The following WWP1 variants were observed in gnomAD, a reference collection of about 807,000 sequenced individuals.
WWP1 encodes WW domain containing E3 ubiquitin protein ligase 1.
WWP1 carries 49 observed loss-of-function variants against 130.6 expected under a neutral mutation model. That is an observed-to-expected ratio of 0.38 (90% CI 0.30 to 0.48). The LOEUF (loss-of-function observed/expected upper bound fraction) is 0.48. WWP1 is among the 20% of genes least tolerant of loss of function. WWP1 has a pLI of 0.99. For missense variants in WWP1, 809 were observed against 1,100.6 expected (o/e 0.74, Z 3.75); for synonymous variants, 332 against 367.8 (o/e 0.90, Z 1.11).
chr8:86,397,638 A>G (rs910014474), intron 5 of WWP1, among the ~76,000 whole-genome samples: 1 of 152,190 alleles, frequency 6.6e-6, no homozygotes, highest in African/African-American at 2.4e-5. Context: ...AGTCTAATAT[A>G]TAGAAGTCTA....
intron 9 of WWP1, among the ~76,000 whole-genome samples, chr8:86,418,557 G>A (rs1483495634): frequency 1.3e-5 from 2 of 152,154 alleles, no homozygotes; most frequent in East Asian, 3.8e-4. Context: ...AGTGGGAAAA[G>A]CTCAGAATAT....
intron 1 of WWP1, among the ~76,000 whole-genome samples, chr8:86,354,055 A>T (rs1432996192): frequency 3.9e-5 from 6 of 152,250 alleles, no homozygotes; most frequent in African/African-American, 1.4e-4. Flanking sequence ...TAAATAAAGT[A>T]AGACAAACCT....
intron 7 of WWP1, among the ~76,000 whole-genome samples, chr8:86,399,520 C>T (rs769141519): frequency 6.6e-6 from 1 of 152,136 alleles, no homozygotes; most frequent in African/African-American, 2.4e-5. Flanking sequence ...CAAAGTGTGA[C>T]TTTTATTAAT....
rs1303168927 is a variant in WWP1, at chr8:86,358,533, G to C, written c.-114-10406G>C. On this transcript the variant is annotated intron_variant, in intron 1 of 24. Coordinates refer to ENST00000517970, the MANE Select transcript of WWP1 (RefSeq NM_007013.4). ...GTCTAGCTCTGTCTCCCAGGCTAGA[G>C]TGCAGTGGTGCCGTCACAACTCACC... 1.1e-4 allele frequency among the ~76,000 whole-genome samples: 17 copies of C among 149,950 alleles called. No homozygotes were observed. The East Asian group carries it at 3.1e-3, about 28-fold the overall frequency.
At chr8:86,374,002 A>C in intron 2 of WWP1, 28 bp from the exon 3 acceptor site, 2 of 1,524,744 alleles carry the variant, frequency 1.3e-6, no homozygotes, top group East Asian at 2.3e-5. Context: ...TATCTAACAC[A>C]TGAATAAATT....
intron 2 of WWP1, among the ~76,000 whole-genome samples, chr8:86,371,458 G>T (rs543247682): frequency 2.6e-5 from 4 of 152,130 alleles, no homozygotes; most frequent in African/African-American, 4.8e-5. Flanking sequence ...GCCTACCAGC[G>T]GTGTATAAGA....
At chr8:86,352,039 C>CTTTTT (rs770047019) in intron 1 of WWP1, among the ~76,000 whole-genome samples, 2 of 125,196 alleles carry the variant, frequency 1.6e-5, no homozygotes, top group Non-Finnish European at 3.3e-5. Context: ...TAAAATATTC[C>CTTTTT]TTTTTTTTTT....
At chr8:86,427,957 T>C in intron 11 of WWP1, 140 bp downstream of exon 11, 3 of 658,878 alleles carry the variant, frequency 4.6e-6, no homozygotes, top group Non-Finnish European at 6.8e-6. Context: ...TTACAAGATA[T>C]TTTTTAGTTA....
intron 5 of WWP1, among the ~76,000 whole-genome samples, chr8:86,389,570 C>G (rs1012157469): frequency 1.7e-4 from 26 of 152,330 alleles, no homozygotes; most frequent in Admixed American, 5.2e-4. Context: ...ACACAGACAC[C>G]GTAACAATCT....
intron 21 of WWP1, among the ~76,000 whole-genome samples, chr8:86,455,448 T>C (rs1411041205): frequency 6.6e-6 from 1 of 151,934 alleles, no homozygotes; most frequent in Non-Finnish European, 1.5e-5. Context: ...ACCAAAAAAC[T>C]ACTAGAAATA....
chr8:86,350,160 T>C (rs764055627), intron 1 of WWP1, among the ~76,000 whole-genome samples: 3 of 152,186 alleles, frequency 2.0e-5, no homozygotes, highest in Non-Finnish European at 4.4e-5. Flanking sequence ...AAGGTGCTGC[T>C]TCTCCTTTCC....
chr8:86,457,022 A>G (rs916345387), intron 21 of WWP1, among the ~76,000 whole-genome samples: 8 of 151,964 alleles, frequency 5.3e-5, no homozygotes, highest in African/African-American at 1.9e-4. Context: ...AAAAAGGGAT[A>G]TGATGGAAAT....
chr8:86,398,000 A>G (rs1807773449), intron 5 of WWP1, among the ~76,000 whole-genome samples: 1 of 152,202 alleles, frequency 6.6e-6, no homozygotes, highest in African/African-American at 2.4e-5. Context: ...ATTTGAAACC[A>G]AACTTAATCT....
intron 1 of WWP1, among the ~76,000 whole-genome samples, chr8:86,347,386 A>G (rs1822645755): frequency 6.6e-6 from 1 of 151,544 alleles, no homozygotes; most frequent in Admixed American, 6.5e-5. Flanking sequence ...TTAGAACTAC[A>G]ACTAAAACCC....
chr8:86,427,520 G>C (rs1166469674), intron 10 of WWP1, 123 bp from the exon 11 acceptor site: 5 of 1,012,906 alleles, frequency 4.9e-6, no homozygotes, highest in Admixed American at 3.0e-5. Context: ...ATAGTTCATA[G>C]TTTTATATGT....
intron 1 of WWP1, among the ~76,000 whole-genome samples, chr8:86,365,739 G>A (rs1823930382): frequency 6.6e-6 from 1 of 152,172 alleles, no homozygotes; most frequent in Non-Finnish European, 1.5e-5. Flanking sequence ...CAGGTGGGAG[G>A]ATCACTTGAG....
intron 1 of WWP1, among the ~76,000 whole-genome samples, chr8:86,367,963 C>T (rs1044060069): frequency 1.3e-5 from 2 of 152,146 alleles, no homozygotes; most frequent in East Asian, 1.9e-4. Context: ...TTACATAAAC[C>T]GTGACTCCCA....
chr8:86,362,162 G>A (rs1272935772), intron 1 of WWP1, among the ~76,000 whole-genome samples: 20 of 14,972 alleles, frequency 1.3e-3, no homozygotes, highest in South Asian at 5.7e-3. Context: ...TATATACAAG[G>A]CATATATATA....
intron 9 of WWP1, among the ~76,000 whole-genome samples, chr8:86,421,114 A>G (rs907483740): frequency 6.6e-6 from 1 of 152,242 alleles, no homozygotes; most frequent in Non-Finnish European, 1.5e-5. Flanking sequence ...TGAGCTTTTT[A>G]TATAAACAAA....
Sources: gnomAD v4.1 joint callset for allele counts (sites outside exome capture counted in the v4.1 genomes callset) on GRCh38, gnomAD v4.1.1 for gene constraint, MANE v1.5 for transcripts, NCBI Gene and HGNC (gene_info 2026-07-23, HGNC 2026-07-21) for gene names.